The following MZT1 variants were observed in gnomAD, a reference collection of about 807,000 sequenced individuals.
MZT1 encodes the protein mitotic spindle organizing protein 1.
Under a neutral mutation model 8.5 loss-of-function variants are expected in MZT1, and 8 were observed. That is an observed-to-expected ratio of 0.94 (90% CI 0.55 to 1.70). The LOEUF (loss-of-function observed/expected upper bound fraction) is 1.70, where lower values mean the gene tolerates loss of function less well. Ranked by LOEUF, MZT1 falls within the 40% of genes most tolerant of loss-of-function variation. The pLI is 0.00. For synonymous variants in MZT1, 38 were observed against 42.0 expected, an observed-to-expected ratio of 0.90 and a Z score of 0.37; for missense variants, 93 against 108.6, an observed-to-expected ratio of 0.86 and a Z score of 0.64.
rs181034097 is a variant in MZT1, at chr13:72,727,567, C to T, written c.36G>A (p.Ala12=). The T allele has an allele frequency of 6.8e-4, 1,011 of 1,484,812 alleles. 2 individuals carry two copies. In the African/African-American group the frequency reaches 0.011, roughly 16 times the overall value. 92.0% of individuals were successfully genotyped at this position (1,484,812 alleles called of 1,614,324 possible). ...CCGCATTCAGATTCGCCGCCGCGGC[C>T]GCCGCCGCCGCCCCAGCACCGCTGC... ...ASSSGAGAAA[A]AAAANLNAVR... Residue 12 remains alanine (A), a synonymous_variant, in exon 1 of 3, where the codon GCG becomes GCA. Transcript: ENST00000377818.
At chr13:72,723,647 A>T (rs143089658) in intron 1 of MZT1, among the ~76,000 whole-genome samples, 138 of 152,310 alleles carry the variant, frequency 9.1e-4, no homozygotes, top group African/African-American at 3.2e-3. Context: ...AATATTACAA[A>T]AAAAAAAATC....
At position 72,724,744 on chromosome 13, in the gene MZT1, A is replaced by AGTG. The variant is rs1566214905; in HGVS notation, c.79+2779_79+2780insCAC. Among the ~76,000 whole-genome samples the AGTG allele has an allele frequency of 9.0e-4, 19 of 21,224 alleles. 1 individual carries two copies. The highest frequency in any genetic ancestry group is 3.8e-3 in the South Asian group (1 of 260). The allele number at this position is 21,224 out of a possible 152,430, so 13.9% of individuals were successfully genotyped here. On this transcript the variant is annotated intron_variant, in intron 1 of 2. Coordinates refer to ENST00000377818, the MANE Select transcript of MZT1 (RefSeq NM_001071775.3). ...CATATATATATATATATATATACAC[A>AGTG]TATATATATGTAAAGTGGTGCTACA...
In MZT1 at chr13:72,719,108, A is replaced by T. The variant is rs754790546; in HGVS notation, c.80-11T>A. 4 of 1,500,978 alleles carry T rather than the reference A, an allele frequency of 2.7e-6. No homozygotes were observed. In the South Asian group the frequency reaches 5.4e-5, roughly 20 times the overall value. 93.0% of individuals were successfully genotyped at this position (1,500,978 alleles called of 1,614,324 possible). The stretch of plus-strand genomic sequence containing the variant: ...AAATCTCAAGCAGAACTGAAAAAAG[A>T]TACAAAAAAAAAAAAAACTTAAGGC... On this transcript the variant is annotated splice_polypyrimidine_tract_variant and intron_variant, in intron 1 of 2. Transcript: ENST00000377818.
chr13:72,718,562 G>A (rs539485256), intron 2 of MZT1, among the ~76,000 whole-genome samples: 11 of 151,452 alleles, frequency 7.3e-5, no homozygotes, highest in South Asian at 6.2e-4. Flanking sequence ...TGCAAGCTCC[G>A]CGCCTCCTGG....
intron 1 of MZT1, among the ~76,000 whole-genome samples, chr13:72,724,119 G>A (rs1370221642): frequency 1.3e-5 from 2 of 152,280 alleles, no homozygotes; most frequent in African/African-American, 4.8e-5. Flanking sequence ...TGTAATTAAC[G>A]GGGTGAATGG....
chr13:72,710,273 A>T lies in MZT1; in HGVS notation c.*49T>A, dbSNP rs7931. 329,851 of 1,598,800 alleles carry T rather than the reference A, an allele frequency of 0.21. 37,121 individuals are homozygous for T. Among genetic ancestry groups the T allele is most frequent in the Middle Eastern group, 0.32 (1,870 of 5,924 alleles). ...CATTCTCAACTACAATGCAATCTTC[A>T]AACCCTCTTGCAGAGCTTGACATAT... On this transcript the variant is annotated 3_prime_UTR_variant, in exon 3 of 3. Transcript: ENST00000377818.
intron 2 of MZT1, among the ~76,000 whole-genome samples, chr13:72,717,337 CTT>C (rs1172063809): frequency 1.5e-4 from 17 of 110,928 alleles, no homozygotes; most frequent in African/African-American, 1.2e-4. Flanking sequence ...CTGTCACTTT[CTT>C]TTTTTTTTTT....
chr13:72,714,124 C>A (rs1223081337), intron 2 of MZT1, among the ~76,000 whole-genome samples: 3 of 151,482 alleles, frequency 2.0e-5, no homozygotes, highest in African/African-American at 7.3e-5. Flanking sequence ...GGCCCAGGAT[C>A]AGGACCTGGA....
chr13:72,726,672 T>C (rs542476688), intron 1 of MZT1, among the ~76,000 whole-genome samples: 294 of 151,314 alleles, frequency 1.9e-3, no homozygotes, highest in Non-Finnish European at 3.4e-3. Context: ...TAATTGATCA[T>C]CTTTGATATG....
intron 1 of MZT1, among the ~76,000 whole-genome samples, chr13:72,721,040 G>A (rs1180724632): frequency 6.6e-6 from 1 of 152,094 alleles, no homozygotes; most frequent in Non-Finnish European, 1.5e-5. Context: ...TCGGGGGGGT[G>A]TTCGTTACAA....
rs776991206 is a variant in MZT1, at chr13:72,727,505, G to C, written c.79+19C>G. ...TCTGGGAAGGCACGCAAGGTAAAGG[G>C]AGCGCAACGGAAACTCACCGTCCAT... On this transcript the variant is annotated intron_variant, in intron 1 of 2. Transcript: ENST00000377818. The C allele has an allele frequency of 5.9e-5, 95 of 1,612,706 alleles. 2 individuals are homozygous for C. In the Admixed American group the frequency reaches 9.5e-4, roughly 16 times the overall value.
intron 1 of MZT1, among the ~76,000 whole-genome samples, chr13:72,723,437 C>T (rs926019999): frequency 1.3e-5 from 2 of 152,188 alleles, no homozygotes; most frequent in African/African-American, 2.4e-5. Flanking sequence ...ACTGACATAA[C>T]ACCGTAGTGG....
At chr13:72,726,355 C>A (rs999849230) in intron 1 of MZT1, among the ~76,000 whole-genome samples, 8 of 151,916 alleles carry the variant, frequency 5.3e-5, no homozygotes, top group Non-Finnish European at 1.0e-4. Context: ...CGCCTGAACC[C>A]GGGAGGCGGA....
chr13:72,719,034 A>G lies in MZT1; in HGVS notation c.143T>C (p.Val48Ala). Reference protein sequence around the residue: ...GLDMETLSICVRLCEQGINPE... With the variant: ...GLDMETLSICARLCEQGINPE... ...GTTAATTCCTTGTTCACAAAGCCGTACACAAATAGACAGAGTTTCCATATC... is the reference window on the plus strand; with the variant it reads ...GTTAATTCCTTGTTCACAAAGCCGTGCACAAATAGACAGAGTTTCCATATC... The change falls in exon 2 of 3, where the codon GTA becomes GCA. Residue 48 changes from valine (V) to alanine (A), a missense_variant. Val to Ala is a moderately conservative substitution (Grantham distance 64). Transcript: ENST00000377818. 6.3e-7 allele frequency: 1 copy of G among 1,592,644 alleles called. No individual in the cohort carries two copies. The highest frequency in any genetic ancestry group is 8.5e-7 in the Non-Finnish European group (1 of 1,172,492).
chr13:72,716,638 T>C (rs2032538037), intron 2 of MZT1, among the ~76,000 whole-genome samples: 1 of 152,206 alleles, frequency 6.6e-6, no homozygotes, highest in South Asian at 2.1e-4. Flanking sequence ...TATGAGCCCA[T>C]GTTTTGGACA....
chr13:72,714,494 GC>G (rs1363322999), intron 2 of MZT1, among the ~76,000 whole-genome samples: 1 of 152,144 alleles, frequency 6.6e-6, no homozygotes, highest in Non-Finnish European at 1.5e-5. Context: ...GAAGGCAAGT[GC>G]TGATAGCCAA....
In MZT1 at chr13:72,714,131, T is replaced by C. The variant is rs569404748; in HGVS notation, c.226-3786A>G. Among the ~76,000 whole-genome samples, 3 of 152,096 alleles carry C rather than the reference T, an allele frequency of 2.0e-5. No individual in the cohort carries two copies. The South Asian group carries it at 6.2e-4, about 32-fold the overall frequency. On this transcript the variant is annotated intron_variant, in intron 2 of 2. Coordinates refer to ENST00000377818, the MANE Select transcript of MZT1 (RefSeq NM_001071775.3). ...GTCTCCGAGGCCCAGGATCAGGACCTGGAGCAAAGGTCATGCATGTTATGC... is the reference window on the plus strand; with the variant it reads ...GTCTCCGAGGCCCAGGATCAGGACCCGGAGCAAAGGTCATGCATGTTATGC...
intron 1 of MZT1, among the ~76,000 whole-genome samples, chr13:72,720,354 C>G (rs1365260161): frequency 6.6e-6 from 1 of 152,162 alleles, no homozygotes; most frequent in Non-Finnish European, 1.5e-5. Context: ...TTTATATAAG[C>G]CATTTTATTC....
At chr13:72,716,492 A>G (rs2032536431) in intron 2 of MZT1, among the ~76,000 whole-genome samples, 1 of 152,242 alleles carries the variant, frequency 6.6e-6, no homozygotes, top group Non-Finnish European at 1.5e-5. Context: ...ACTCATTGGA[A>G]AATAATCTGA....
Sources: gnomAD v4.1 joint callset for allele counts (sites outside exome capture counted in the v4.1 genomes callset) on GRCh38, gnomAD v4.1.1 for gene constraint, MANE v1.5 for transcripts, NCBI Gene and HGNC (gene_info 2026-07-23, HGNC 2026-07-21) for gene names.